CEBPZ: variants seen among roughly 807,000 people sequenced by gnomAD.
The protein encoded by CEBPZ is CCAAT/enhancer-binding protein zeta.
A neutral mutation model predicts 104.5 loss-of-function variants in CEBPZ; 78 were observed. The ratio of observed to expected loss-of-function variants is 0.75; its 90% CI spans 0.62 to 0.90. CEBPZ has a LOEUF of 0.90. Ranked by LOEUF, CEBPZ falls within the 40% of genes least tolerant of loss-of-function variation. The probability of loss-of-function intolerance (pLI) is 0.00; values close to 1 mark genes in which losing one functional copy is unlikely to be tolerated. For synonymous variants in CEBPZ, 470 were observed against 427.0 expected (o/e 1.10, Z -1.24); for missense variants, 1,439 against 1,233.5 (o/e 1.17, Z -2.50).
intron 5 of CEBPZ, among the ~76,000 whole-genome samples, chr2:37,217,619 G>A (rs1414089958): frequency 6.6e-6 from 1 of 152,026 alleles, no homozygotes; most frequent in Non-Finnish European, 1.5e-5. Context: ...TAACAATAAA[G>A]CGGCCAGGCG....
chr2:37,203,294 G>A (rs1007671348), intron 13 of CEBPZ: 2 of 214,318 alleles, frequency 9.3e-6, no homozygotes, highest in African/African-American at 4.6e-5. Flanking sequence ...AAATAACATA[G>A]TATCAAGCAA....
intron 1 of CEBPZ, 76 bp from the exon 2 acceptor site, chr2:37,229,112 T>C: frequency 8.1e-7 from 1 of 1,242,156 alleles, no homozygotes; most frequent in Non-Finnish European, 1.1e-6. Context: ...AAACACAACA[T>C]AATTTTAAAA....
chr2:37,209,008 GAATC>G (rs1216879426), intron 13 of CEBPZ: 3 of 141,720 alleles, frequency 2.1e-5, no homozygotes, highest in African/African-American at 8.0e-5. Flanking sequence ...ACCAAGCTGA[GAATC>G]AAATCAATTA....
At chr2:37,211,167 T>A (rs1484316492) in intron 12 of CEBPZ, 85 bp from the exon 13 acceptor site, 3 of 896,032 alleles carry the variant, frequency 3.3e-6, no homozygotes, top group Non-Finnish European at 5.2e-6. Context: ...AAAATCTTTA[T>A]TCTGATGGTA....
At chr2:37,213,176 G>C (rs915825731) in intron 10 of CEBPZ, among the ~76,000 whole-genome samples, 4 of 152,202 alleles carry the variant, frequency 2.6e-5, no homozygotes, top group Middle Eastern at 3.2e-3. Context: ...CTGTAGCTCT[G>C]TGGATTAAAG....
At chr2:37,227,193 G>A (rs1298512219) in intron 2 of CEBPZ, among the ~76,000 whole-genome samples, 1 of 152,194 alleles carries the variant, frequency 6.6e-6, no homozygotes, top group Non-Finnish European at 1.5e-5. Context: ...GACGGAAACT[G>A]CAATTATATC....
chr2:37,201,771 CTTTG>C lies in CEBPZ; in HGVS notation c.3154_3157del (p.Gln1052GlyfsTer7), dbSNP rs754108253. ...ATAATTTACATTAATAACTCATTTC[CTTTG>C]TTTTTTAGTTTTTTGAGTGGTTTTA... On this transcript the variant is annotated frameshift_variant, in exon 16 of 16. Transcript: ENST00000234170. LOFTEE classifies it high-confidence loss of function. 106 of 1,415,356 alleles carry C rather than the reference CTTTG, an allele frequency of 7.5e-5. No individual in the cohort carries two copies. The African/African-American group carries it at 1.1e-3, about 15-fold the overall frequency. 87.7% of individuals were successfully genotyped at this position (1,415,356 alleles called of 1,614,324 possible). A position where few individuals can be genotyped will look rare whatever the true frequency, so the allele number is the denominator to read the frequency against.
Position 37,222,599 on chromosome 2 carries a change from C to T in CEBPZ, c.1882-36G>A, listed in dbSNP as rs144644038. ...TATAGTTTCATAAATCTACATAAAT[C>T]AACTGGAAGTTGCAATAAAGTCTGT... On this transcript the variant is annotated intron_variant, in intron 3 of 15. Coordinates refer to ENST00000234170, the MANE Select transcript of CEBPZ (RefSeq NM_005760.3). The T allele has an allele frequency of 9.0e-5, 131 of 1,459,728 alleles. No individual in the cohort carries two copies. The African/African-American group carries it at 1.8e-3, about 20-fold the overall frequency. The allele number at this position is 1,459,728 out of a possible 1,614,324, so 90.4% of individuals were successfully genotyped here.
chr2:37,220,484 C>CA lies in CEBPZ; in HGVS notation c.2066-12dup, dbSNP rs35462755. On this transcript the variant is annotated splice_polypyrimidine_tract_variant and intron_variant, in intron 4 of 15. Coordinates refer to ENST00000234170, the MANE Select transcript of CEBPZ (RefSeq NM_005760.3). ...TTAACTGTTTCCCACCTAGGAATAA[C>CA]AAAAAAAATACGATTTCTCAAATGC... The CA allele has an allele frequency of 0.13, 185,450 of 1,414,676 alleles. 12,560 individuals are homozygous for CA. The highest frequency in any genetic ancestry group is 0.24 in the South Asian group (18,802 of 77,362). The allele number at this position is 1,414,676 out of a possible 1,614,324, so 87.6% of individuals were successfully genotyped here.
At position 37,212,465 on chromosome 2, in the gene CEBPZ, A is replaced by G. The variant is rs971058750; in HGVS notation, c.2546-73T>C. The G allele has an allele frequency of 6.3e-6, 8 of 1,268,668 alleles. No individual in the cohort carries two copies. In the African/African-American group the frequency reaches 8.8e-5, roughly 14 times the overall value. 78.6% of individuals were successfully genotyped at this position (1,268,668 alleles called of 1,614,324 possible). On this transcript the variant is annotated intron_variant, in intron 10 of 15. Coordinates refer to ENST00000234170, the MANE Select transcript of CEBPZ (RefSeq NM_005760.3). Reference sequence around the variant, plus strand: ...TGACATATATCTTGTATCTGAATCAATTATTCTAAGTCATGATTCTGCTGT... The same window carrying G: ...TGACATATATCTTGTATCTGAATCAGTTATTCTAAGTCATGATTCTGCTGT...
intron 10 of CEBPZ, 156 bp downstream of exon 10, chr2:37,213,708 C>CCAGCCATTTT (rs1677797199): frequency 1.8e-6 from 1 of 563,422 alleles, no homozygotes; most frequent in Admixed American, 3.6e-5. Context: ...GCCACAGCGC[C>CCAGCCATTTT]TGGCCCCAAA....
chr2:37,217,188 AGAAGTTGAGACTG>A, intron 5 of CEBPZ, 151 bp from the exon 6 acceptor site: 1 of 625,138 alleles, frequency 1.6e-6, no homozygotes. Flanking sequence ...GCTTGAGCCC[AGAAGTTGAGACTG>A]GCCTGGGCAA....
In CEBPZ at chr2:37,216,981, C is replaced by T. The variant is rs1445368821; in HGVS notation, c.2208+3G>A. 3 of 1,609,322 alleles carry T rather than the reference C, an allele frequency of 1.9e-6. No individual in the cohort carries two copies. Among genetic ancestry groups the T allele is most frequent in the Admixed American group, 1.7e-5 (1 of 59,898 alleles). ...CTCATCTTTGGATTTATTTTAGACT[C>T]ACCTGAAGGATGGTCTTTGCAAAAA... On this transcript the variant is annotated splice_donor_region_variant and intron_variant, in intron 6 of 15. Coordinates refer to ENST00000234170, the MANE Select transcript of CEBPZ (RefSeq NM_005760.3).
At chr2:37,213,830 G>A (rs752683060) in intron 10 of CEBPZ, 34 bp downstream of exon 10, 11 of 1,421,648 alleles carry the variant, frequency 7.7e-6, no homozygotes, top group Non-Finnish European at 1.1e-5. Context: ...CATAGTAGTA[G>A]ATTATTTTAC....
chr2:37,225,230 GAAATCTACAGC>G (rs1328185841), intron 2 of CEBPZ, among the ~76,000 whole-genome samples: 2 of 152,204 alleles, frequency 1.3e-5, no homozygotes, highest in African/African-American at 4.8e-5. Flanking sequence ...GAAATGTCAT[GAAATCTACAGC>G]AAGTGGACCT....
At chr2:37,221,135 A>T (rs1242464052) in intron 4 of CEBPZ, among the ~76,000 whole-genome samples, 1 of 152,074 alleles carries the variant, frequency 6.6e-6, no homozygotes, top group Non-Finnish European at 1.5e-5. Flanking sequence ...GCCGGTGCAC[A>T]GAGTGGGATT....
intron 9 of CEBPZ, among the ~76,000 whole-genome samples, 163 bp from the exon 10 acceptor site, chr2:37,214,124 T>C (rs2148351924): frequency 6.6e-6 from 1 of 152,242 alleles, no homozygotes; most frequent in African/African-American, 2.4e-5. Flanking sequence ...CAAAAAATAG[T>C]TTAACTCAAT....
rs759529423 is a variant in CEBPZ at position 37,228,792 on chromosome 2, G to C, written c.401C>G (p.Thr134Arg). The C allele has an allele frequency of 1.9e-6, 3 of 1,611,080 alleles. No homozygotes were observed. Among genetic ancestry groups the C allele is most frequent in the Non-Finnish European group, 2.5e-6 (3 of 1,179,178 alleles). ...NNKNTAESQR[T>R]SVNKVKNKNR... ...CTTATTTTTCACCTTATTAACTGAT[G>C]TCCTTTGACTTTCTGCTGTATTTTT... The change falls in exon 2 of 16, where the codon ACA (threonine) becomes AGA (arginine). Residue 134 changes from threonine to arginine, a missense_variant. Physicochemically the swap from Thr to Arg is moderately conservative, Grantham distance 71. Transcript: ENST00000234170.
chr2:37,220,508 G>T, intron 4 of CEBPZ, 35 bp from the exon 5 acceptor site: 1 of 1,137,218 alleles, frequency 8.8e-7, no homozygotes, highest in Non-Finnish European at 1.3e-6. Flanking sequence ...TTTCTCAAAT[G>T]CTTTCTTCCT....
Sources: allele counts gnomAD v4.1 joint callset (sites outside exome capture counted in the v4.1 genomes callset), GRCh38; gene constraint gnomAD v4.1.1; transcripts MANE v1.5; gene names NCBI Gene and HGNC (gene_info 2026-07-23, HGNC 2026-07-21).